C16orf87: variants seen among roughly 807,000 people sequenced by gnomAD.
C16orf87 encodes UPF0547 protein C16orf87.
In C16orf87, 13 loss-of-function variants were observed where a neutral mutation model predicts 21.0. That is an observed-to-expected ratio of 0.62 (90% confidence interval 0.40 to 0.98). The LOEUF (loss-of-function observed/expected upper bound fraction) is 0.98, where lower values mean the gene tolerates loss of function less well. Among genes scored for constraint, C16orf87 ranks in the 50% least tolerant of loss-of-function variants. C16orf87 has a pLI of 0.00. For missense variants in C16orf87, 113 were observed against 180.4 expected (o/e 0.63, Z 2.14); for synonymous variants, 49 against 60.2 (o/e 0.81, Z 0.86).
At chr16:46,823,251 A>G (rs903395095) in intron 2 of C16orf87, among the ~76,000 whole-genome samples, 2 of 152,134 alleles carry the variant, frequency 1.3e-5, no homozygotes, top group Non-Finnish European at 2.9e-5. Flanking sequence ...TTCACTGTCT[A>G]TCTCCCACCC....
intron 3 of C16orf87, among the ~76,000 whole-genome samples, chr16:46,806,710 G>A (rs1350685312): frequency 2.0e-5 from 3 of 152,092 alleles, no homozygotes; most frequent in African/African-American, 7.2e-5. Context: ...TTAATGATTT[G>A]TTTTTATGAC....
chr16:46,831,068 G>A lies in C16orf87; in HGVS notation c.66+16C>T. On this transcript the variant is annotated intron_variant, in intron 1 of 3. Transcript: ENST00000285697. ...GCCACTGCCGCCCGCCCGCGCGCCC[G>A]GCCCCCGGCACCCACCTGTTGGTCG... is the stretch of plus-strand genomic sequence containing the variant. 1.3e-6 allele frequency: 2 copies of A among 1,558,424 alleles called. No individual in the cohort carries two copies. Among genetic ancestry groups the A allele is most frequent in the Non-Finnish European group, 1.7e-6 (2 of 1,149,664 alleles).
intron 3 of C16orf87, chr16:46,807,966 C>T (rs1967977000): frequency 6.6e-6 from 3 of 451,636 alleles, no homozygotes; most frequent in African/African-American, 6.0e-5. Flanking sequence ...TTCTCTCACC[C>T]ACCACCAGAA....
At chr16:46,822,698 A>C (rs1417848071) in intron 2 of C16orf87, among the ~76,000 whole-genome samples, 4 of 152,248 alleles carry the variant, frequency 2.6e-5, no homozygotes, top group Non-Finnish European at 4.4e-5. Context: ...GTCTTTGTCT[A>C]ACTCAGTATT....
At chr16:46,810,431 A>T (rs369390979) in intron 2 of C16orf87, among the ~76,000 whole-genome samples, 2 of 152,166 alleles carry the variant, frequency 1.3e-5, no homozygotes, top group East Asian at 1.9e-4. Flanking sequence ...CCCACTCTAA[A>T]CAAATCAAAA....
chr16:46,827,974 G>C (rs149567118), intron 1 of C16orf87, among the ~76,000 whole-genome samples: 3 of 141,490 alleles, frequency 2.1e-5, no homozygotes, highest in African/African-American at 7.9e-5. Context: ...AGTCTCTGTC[G>C]CCCAGGCTGG....
rs1174592562 is a variant in C16orf87 at position 46,811,342 on chromosome 16, A to G, written c.164-1557T>C. Among the ~76,000 whole-genome samples, 4 of 152,084 alleles carry G rather than the reference A, an allele frequency of 2.6e-5. No individual in the cohort carries two copies. The East Asian group carries it at 5.8e-4, about 22-fold the overall frequency. ...AACATGGCAAAACCCCGTCTCTACT[A>G]AAAATACAAAATTAGCTGGGTGTGG... On this transcript the variant is annotated intron_variant, in intron 2 of 3. Coordinates refer to ENST00000285697, the MANE Select transcript of C16orf87 (RefSeq NM_001001436.4).
intron 2 of C16orf87, among the ~76,000 whole-genome samples, chr16:46,820,085 T>C (rs1246497653): frequency 6.6e-6 from 1 of 152,240 alleles, no homozygotes; most frequent in East Asian, 1.9e-4. Flanking sequence ...TCCCTATTTC[T>C]CTGCATGTTA....
At position 46,828,943 on chromosome 16, in the gene C16orf87, T is replaced by C. The variant is rs142090674; in HGVS notation, c.66+2141A>G. Among the ~76,000 whole-genome samples the C allele has an allele frequency of 1.6e-4, 25 of 152,308 alleles. 1 individual carries two copies. In the East Asian group the frequency reaches 4.8e-3, roughly 29 times the overall value. On this transcript the variant is annotated intron_variant, in intron 1 of 3. Coordinates refer to ENST00000285697, the MANE Select transcript of C16orf87 (RefSeq NM_001001436.4). ...CTTATGTATGTTACATTCACTTAAG[T>C]ATTTGGAATAAAGGACAAAACAAAC...
intron 1 of C16orf87, among the ~76,000 whole-genome samples, chr16:46,829,741 T>C (rs1596833447): frequency 1.3e-5 from 2 of 152,340 alleles, no homozygotes; most frequent in East Asian, 3.9e-4. Flanking sequence ...GTATAGCTCC[T>C]ACACTGTATT....
chr16:46,813,200 G>A (rs1968147393), intron 2 of C16orf87, among the ~76,000 whole-genome samples: 1 of 152,108 alleles, frequency 6.6e-6, no homozygotes, highest in Admixed American at 6.6e-5. Flanking sequence ...TCACTTGAAT[G>A]TCTCAAAGGC....
chr16:46,810,466 T>G (rs1373794593), intron 2 of C16orf87, among the ~76,000 whole-genome samples: 1 of 151,654 alleles, frequency 6.6e-6, no homozygotes, highest in East Asian at 1.9e-4. Flanking sequence ...AACAATAAAC[T>G]TAAAGAAAAA....
chr16:46,805,935 T>C (rs1967916429), intron 3 of C16orf87, among the ~76,000 whole-genome samples: 1 of 152,224 alleles, frequency 6.6e-6, no homozygotes. Context: ...GGCTTCCTGA[T>C]CTTAACATGG....
chr16:46,816,876 C>T (rs1260060078), intron 2 of C16orf87, among the ~76,000 whole-genome samples: 1 of 152,172 alleles, frequency 6.6e-6, no homozygotes, highest in African/African-American at 2.4e-5. Context: ...CTGCTCTTCC[C>T]TCTTCTTCCT....
chr16:46,805,359 C>G (rs896790965), intron 3 of C16orf87, among the ~76,000 whole-genome samples: 1 of 151,972 alleles, frequency 6.6e-6, no homozygotes, highest in African/African-American at 2.4e-5. Context: ...TATCTTTAAG[C>G]CTTTTATTAA....
At chr16:46,819,746 G>A (rs1033443421) in intron 2 of C16orf87, among the ~76,000 whole-genome samples, 2 of 151,540 alleles carry the variant, frequency 1.3e-5, no homozygotes, top group Non-Finnish European at 2.9e-5. Flanking sequence ...AGGCCGAGGC[G>A]GGCGGATTAC....
Position 46,823,639 on chromosome 16 carries a change from T to TA in C16orf87, c.163+746dup, listed in dbSNP as rs35480342. The stretch of plus-strand genomic sequence containing the variant: ...CTATATTTTTCAACGGTCACTAGTT[T>TA]AAAAAAAAAACAAAACTTAAAAGTT... On this transcript the variant is annotated intron_variant, in intron 2 of 3. Transcript: ENST00000285697. Among the ~76,000 whole-genome samples the TA allele has an allele frequency of 2.4e-3, 358 of 147,682 alleles. 2 individuals carry two copies. Among genetic ancestry groups the TA allele is most frequent in the Non-Finnish European group, 4.1e-3 (276 of 66,558 alleles).
Position 46,801,971 on chromosome 16 carries a change from A to C in C16orf87, c.*981T>G, listed in dbSNP as rs1356453110. The C allele has an allele frequency of 6.6e-6, 1 of 152,224 alleles. No homozygotes were observed. Among genetic ancestry groups the C allele is most frequent in the Non-Finnish European group, 1.5e-5 (1 of 68,034 alleles). 9.4% of individuals were successfully genotyped at this position (152,224 alleles called of 1,614,324 possible). The stretch of plus-strand genomic sequence containing the variant: ...ATAAACGATTATGACTTAACACTAG[A>C]AAAATTAAGAATTTAAATATATTTC... On this transcript the variant is annotated 3_prime_UTR_variant, in exon 4 of 4. Coordinates refer to ENST00000285697, the MANE Select transcript of C16orf87 (RefSeq NM_001001436.4).
At chr16:46,820,387 T>C (rs1301256485) in intron 2 of C16orf87, among the ~76,000 whole-genome samples, 16 of 152,238 alleles carry the variant, frequency 1.1e-4, no homozygotes, top group Admixed American at 1.0e-3. Flanking sequence ...TCCATTTATG[T>C]ATTTACTTAT....
Sources: gnomAD v4.1 joint callset for allele counts (sites outside exome capture counted in the v4.1 genomes callset) on GRCh38, gnomAD v4.1.1 for gene constraint, MANE v1.5 for transcripts, NCBI Gene and HGNC (gene_info 2026-07-23, HGNC 2026-07-21) for gene names.